Variants in CFAP58 observed in about 807,000 individuals in gnomAD.
CFAP58 encodes cilia and flagella associated protein 58, also known as cilia- and flagella-associated protein 58.
A neutral mutation model predicts 119.5 loss-of-function variants in CFAP58; 88 were observed. The observed-to-expected ratio is 0.74, with a 90% CI of 0.62 to 0.88. The LOEUF (loss-of-function observed/expected upper bound fraction) is 0.88. Ranked by LOEUF, CFAP58 falls within the 40% of genes least tolerant of loss-of-function variation. CFAP58 has a pLI of 0.00. For missense variants in CFAP58, 990 were observed against 1,021.2 expected (o/e 0.97, Z 0.42); for synonymous variants, 365 against 366.3 (o/e 1.00, Z 0.04).
chr10:104,394,847 G>A (rs563973508), intron 11 of CFAP58, among the ~76,000 whole-genome samples: 6 of 152,328 alleles, frequency 3.9e-5, no homozygotes, highest in South Asian at 4.1e-4. Flanking sequence ...AAAACAGTTT[G>A]TTCCACTGTG....
At chr10:104,364,644 CT>C (rs2014717896) in intron 3 of CFAP58, 88 bp from the exon 4 acceptor site, 2 of 1,210,878 alleles carry the variant, frequency 1.7e-6, no homozygotes, top group Admixed American at 2.2e-5. Flanking sequence ...GACCTGACAT[CT>C]TTCCCATGAA....
At position 104,421,028 on chromosome 10, in the gene CFAP58, C is replaced by T. The variant is rs114188176; in HGVS notation, c.2256+14235C>T. Among the ~76,000 whole-genome samples the T allele has an allele frequency of 1.3e-3, 191 of 152,284 alleles. 2 individuals are homozygous for T. Among genetic ancestry groups the T allele is most frequent in the African/African-American group, 4.1e-3 (172 of 41,554 alleles). ...TTGGCCTGCCAAAGTGCTGGAATTACACGCATGAGCCACCGCACCTGGCCT... is the reference window on the plus strand; with the variant it reads ...TTGGCCTGCCAAAGTGCTGGAATTATACGCATGAGCCACCGCACCTGGCCT... On this transcript the variant is annotated intron_variant, in intron 15 of 17. Coordinates refer to ENST00000369704, the MANE Select transcript of CFAP58 (RefSeq NM_001008723.2).
chr10:104,438,334 G>GTTTTTTT (rs1564904693), intron 15 of CFAP58, among the ~76,000 whole-genome samples: 2 of 111,368 alleles, frequency 1.8e-5, no homozygotes, highest in Non-Finnish European at 3.8e-5. Context: ...TTGTTTTTTT[G>GTTTTTTT]TTTTTTGTTT....
intron 6 of CFAP58, among the ~76,000 whole-genome samples, chr10:104,368,808 A>T (rs1348398025): frequency 6.6e-6 from 1 of 152,226 alleles, no homozygotes; most frequent in East Asian, 1.9e-4. Flanking sequence ...AAGTGAGCTC[A>T]GATGTCTATC....
In CFAP58 at chr10:104,403,922, G is replaced by C. The variant is rs968597101; in HGVS notation, c.2151+82G>C. 8.9e-6 allele frequency: 7 copies of C among 786,732 alleles called. No individual in the cohort carries two copies. The Admixed American group carries it at 1.8e-4, about 21-fold the overall frequency. 48.7% of individuals were successfully genotyped at this position (786,732 alleles called of 1,614,324 possible). ...AAGCTTCTAACCTAAAGCACAATGAGAAGCGAGGTTTTATTTAATGCTATG... is the reference window on the plus strand; with the variant it reads ...AAGCTTCTAACCTAAAGCACAATGACAAGCGAGGTTTTATTTAATGCTATG... On this transcript the variant is annotated intron_variant, in intron 14 of 17. Coordinates refer to ENST00000369704, the MANE Select transcript of CFAP58 (RefSeq NM_001008723.2).
At chr10:104,341,902 C>T in the CFAP58 span, among the ~76,000 whole-genome samples, 1 of 152,294 alleles carries the variant, frequency 6.6e-6, no homozygotes, top group African/African-American at 2.4e-5. Context: ...TGGGGAAATA[C>T]TAGAAATCTT....
intron 1 of CFAP58, among the ~76,000 whole-genome samples, chr10:104,358,025 A>C (rs902151457): frequency 6.9e-6 from 1 of 145,008 alleles, no homozygotes; most frequent in Non-Finnish European, 1.5e-5. Flanking sequence ...ATGTACATAT[A>C]TATACATATG....
intron 15 of CFAP58, among the ~76,000 whole-genome samples, chr10:104,428,006 C>A (rs962938237): frequency 6.6e-6 from 1 of 152,106 alleles, no homozygotes; most frequent in Non-Finnish European, 1.5e-5. Flanking sequence ...TGCAAACACA[C>A]GTAAGCACAT....
At chr10:104,361,755 A>C (rs2014668694) in intron 2 of CFAP58, among the ~76,000 whole-genome samples, 1 of 152,146 alleles carries the variant, frequency 6.6e-6, no homozygotes, top group African/African-American at 2.4e-5. Flanking sequence ...GCATGATTGC[A>C]GCTCACTGCA....
chr10:104,400,257 C>T (rs1175221769), intron 12 of CFAP58, among the ~76,000 whole-genome samples: 5 of 152,124 alleles, frequency 3.3e-5, no homozygotes, highest in Non-Finnish European at 5.9e-5. Context: ...AGTGATCCTC[C>T]CACCTCAGCT....
intron 1 of CFAP58, among the ~76,000 whole-genome samples, chr10:104,357,901 A>G (rs1039719153): frequency 1.4e-5 from 1 of 73,260 alleles, no homozygotes; most frequent in African/African-American, 8.8e-5. Flanking sequence ...ACATATATGT[A>G]CACATATACA....
intron 15 of CFAP58, among the ~76,000 whole-genome samples, chr10:104,420,056 A>G (rs561472984): frequency 6.6e-6 from 1 of 152,146 alleles, no homozygotes; most frequent in African/African-American, 2.4e-5. Flanking sequence ...AAAAAGGATA[A>G]TAGTGCAGGA....
intron 7 of CFAP58, among the ~76,000 whole-genome samples, chr10:104,371,404 C>T (rs1469194938): frequency 1.3e-5 from 2 of 152,246 alleles, no homozygotes; most frequent in Non-Finnish European, 2.9e-5. Context: ...ATAGTGAATA[C>T]GTTAGAATGA....
At chr10:104,381,268 G>T (rs555227328) in intron 9 of CFAP58, among the ~76,000 whole-genome samples, 2 of 152,322 alleles carry the variant, frequency 1.3e-5, no homozygotes, top group South Asian at 4.1e-4. Context: ...GAGAGAGAAG[G>T]CTCGAGGATA....
intron 15 of CFAP58, among the ~76,000 whole-genome samples, chr10:104,429,431 G>C (rs1433614307): frequency 6.6e-6 from 1 of 152,114 alleles, no homozygotes; most frequent in Admixed American, 6.5e-5. Flanking sequence ...ACTAGCTGTG[G>C]AATTTCAGGG....
chr10:104,348,382 T>C, the CFAP58 span, among the ~76,000 whole-genome samples: 2 of 152,232 alleles, frequency 1.3e-5, no homozygotes, highest in African/African-American at 2.4e-5. Flanking sequence ...ACACTGGGTA[T>C]AAATACTGTT....
intron 14 of CFAP58, among the ~76,000 whole-genome samples, chr10:104,404,872 C>G (rs774571904): frequency 6.6e-6 from 1 of 152,226 alleles, no homozygotes; most frequent in Non-Finnish European, 1.5e-5. Context: ...GCTGGGATTA[C>G]AGGCGTGAGC....
At chr10:104,356,281 T>G (rs895200201) in intron 1 of CFAP58, among the ~76,000 whole-genome samples, 3 of 152,340 alleles carry the variant, frequency 2.0e-5, no homozygotes, top group Admixed American at 6.5e-5. Flanking sequence ...ATAGTACAAG[T>G]GTTTTCGAAA....
rs532347167 is a variant in CFAP58 at position 104,366,407 on chromosome 10, C to T, written c.792+399C>T. On this transcript the variant is annotated intron_variant, in intron 5 of 17. Transcript: ENST00000369704. ...TTTTGTGCTCCCTCTTAGTCCTTCT[C>T]CCCCTAAAATACCATCTCTATCCTG... 6.6e-5 allele frequency among the ~76,000 whole-genome samples: 10 copies of T among 152,252 alleles called. No individual in the cohort carries two copies. In the South Asian group the frequency reaches 1.9e-3, roughly 28 times the overall value.
Sources: allele counts gnomAD v4.1 joint callset (sites outside exome capture counted in the v4.1 genomes callset), GRCh38; gene constraint gnomAD v4.1.1; transcripts MANE v1.5; gene names NCBI Gene and HGNC (gene_info 2026-07-23, HGNC 2026-07-21).